The following PINX1 variants were observed in gnomAD, a reference collection of about 807,000 sequenced individuals.
PINX1 encodes the protein PIN2 (TERF1) interacting telomerase inhibitor 1.
PINX1 carries 34 observed loss-of-function variants against 25.4 expected under a neutral mutation model. The ratio of observed to expected loss-of-function variants is 1.34; its 90% CI spans 1.02 to 1.78. The LOEUF (loss-of-function observed/expected upper bound fraction) is 1.78. PINX1 is among the 40% of genes most tolerant of loss of function. The pLI, the probability that PINX1 is intolerant of heterozygous loss-of-function variation, is 0.00. For synonymous variants in PINX1, 197 were observed against 147.7 expected (o/e 1.33, Z -2.42); for missense variants, 592 against 404.9 (o/e 1.46, Z -3.97).
At chr8:10,776,617 T>C (rs575916035) in intron 6 of PINX1, among the ~76,000 whole-genome samples, 16 of 152,200 alleles carry the variant, frequency 1.1e-4, no homozygotes, top group Middle Eastern at 3.4e-3. Flanking sequence ...AACTCCCGCC[T>C]CAAGCTGCTA....
At chr8:10,805,102 T>C (rs1017554051) in intron 6 of PINX1, among the ~76,000 whole-genome samples, 12 of 152,140 alleles carry the variant, frequency 7.9e-5, no homozygotes, top group African/African-American at 2.9e-4. Flanking sequence ...GAAAGGCAAA[T>C]GCAATAGGTG....
At chr8:10,783,231 T>C (rs1045507799) in intron 6 of PINX1, among the ~76,000 whole-genome samples, 18 of 152,230 alleles carry the variant, frequency 1.2e-4, no homozygotes, top group African/African-American at 2.7e-4. Flanking sequence ...TAGAGTATAA[T>C]GGCACTGGAG....
chr8:10,800,735 G>A (rs1802240213), intron 6 of PINX1, among the ~76,000 whole-genome samples: 1 of 152,146 alleles, frequency 6.6e-6, no homozygotes, highest in African/African-American at 2.4e-5. Flanking sequence ...CTCCCAAAGT[G>A]CTGGGATTAC....
intron 6 of PINX1, among the ~76,000 whole-genome samples, chr8:10,804,246 G>A (rs563416412): frequency 6.6e-6 from 1 of 152,318 alleles, no homozygotes; most frequent in African/African-American, 2.4e-5. Context: ...GGTGTTAGCC[G>A]CCGGGGGCAG....
intron 6 of PINX1, among the ~76,000 whole-genome samples, chr8:10,809,989 G>A (rs1802576799): frequency 6.6e-6 from 1 of 152,234 alleles, no homozygotes; most frequent in African/African-American, 2.4e-5. Flanking sequence ...TCCAATCATG[G>A]TGGAAGGAGA....
At chr8:10,807,372 G>C (rs1470124154) in intron 6 of PINX1, among the ~76,000 whole-genome samples, 1 of 117,424 alleles carries the variant, frequency 8.5e-6, no homozygotes, top group South Asian at 2.7e-4. Flanking sequence ...TAAAATTGGA[G>C]ACAAAAGAAA....
chr8:10,829,153 G>A (rs370582192), intron 4 of PINX1, among the ~76,000 whole-genome samples: 1 of 151,980 alleles, frequency 6.6e-6, no homozygotes, highest in East Asian at 1.9e-4. Flanking sequence ...AGGCGTGGTG[G>A]TGTGCACCTG....
intron 6 of PINX1, among the ~76,000 whole-genome samples, chr8:10,786,249 A>G (rs11250075): frequency 0.33 from 50,042 of 152,146 alleles, 9,212 homozygotes; most frequent in Non-Finnish European, 0.42. Flanking sequence ...TGATAATTGA[A>G]CATCAGAGTT....
At chr8:10,774,474 T>C (rs1423063908) in intron 6 of PINX1, among the ~76,000 whole-genome samples, 2 of 152,176 alleles carry the variant, frequency 1.3e-5, no homozygotes, top group South Asian at 2.1e-4. Context: ...AGAGACAGGG[T>C]TTCTCCATGT....
In PINX1 at chr8:10,799,997, G is replaced by A. The variant is rs187437957; in HGVS notation, c.471+20196C>T. Among the ~76,000 whole-genome samples, 26 of 152,286 alleles carry A rather than the reference G, an allele frequency of 1.7e-4. 1 individual carries two copies. The highest frequency in any genetic ancestry group is 7.2e-4 in the Admixed American group (11 of 15,302). ...GCCAAAGGTCATATGACTCACAAGG[G>A]CAGAGCCGAGACTGCGATCCAGGTC... is the stretch of plus-strand genomic sequence containing the variant. On this transcript the variant is annotated intron_variant, in intron 6 of 6. Transcript: ENST00000314787.
At chr8:10,819,186 G>A (rs1315870583) in intron 6 of PINX1, among the ~76,000 whole-genome samples, 1 of 152,238 alleles carries the variant, frequency 6.6e-6, no homozygotes, top group Non-Finnish European at 1.5e-5. Flanking sequence ...CAGGAATTCA[G>A]TCCCAATCTG....
intron 6 of PINX1, among the ~76,000 whole-genome samples, chr8:10,776,071 T>C (rs1270788859): frequency 6.6e-6 from 1 of 152,184 alleles, no homozygotes. Flanking sequence ...CTAGCATTCA[T>C]TATAGCCTAG....
At chr8:10,773,493 C>G (rs1041243365) in intron 6 of PINX1, among the ~76,000 whole-genome samples, 1 of 152,162 alleles carries the variant, frequency 6.6e-6, no homozygotes. Flanking sequence ...CATCAGAACT[C>G]CGCTTGGAAG....
intron 4 of PINX1, among the ~76,000 whole-genome samples, chr8:10,826,891 C>T (rs998281375): frequency 5.3e-5 from 8 of 152,184 alleles, no homozygotes; most frequent in Non-Finnish European, 1.0e-4. Context: ...GTTGCTGTGC[C>T]GTGGTGGCCA....
chr8:10,768,638 C>A (rs987049675), intron 6 of PINX1, among the ~76,000 whole-genome samples: 1 of 152,118 alleles, frequency 6.6e-6, no homozygotes, highest in Non-Finnish European at 1.5e-5. Context: ...CTGCTTAATG[C>A]GGGGGTAGCC....
chr8:10,788,599 C>T (rs1453482212), intron 6 of PINX1, among the ~76,000 whole-genome samples: 2 of 152,006 alleles, frequency 1.3e-5, no homozygotes, highest in Non-Finnish European at 2.9e-5. Flanking sequence ...GAATGTATAT[C>T]TATTGGTATA....
intron 6 of PINX1, among the ~76,000 whole-genome samples, chr8:10,769,681 T>C (rs186918187): frequency 5.3e-5 from 8 of 152,254 alleles, no homozygotes; most frequent in Admixed American, 5.2e-4. Flanking sequence ...CCTCTCCACA[T>C]CACACAGGCA....
chr8:10,797,515 C>G (rs529327620), intron 6 of PINX1, among the ~76,000 whole-genome samples: 88 of 152,234 alleles, frequency 5.8e-4, no homozygotes, highest in Non-Finnish European at 5.7e-4. Context: ...AAACAACTTT[C>G]TAAAAACAAA....
In PINX1 at chr8:10,820,282, T is replaced by C. The variant is rs2409653; in HGVS notation, c.395-13A>G. ...GACAGATCCTTCCCTAGAAAAACAA[T>C]GTGATGCTTTTCAGTAAGACTGTTC... On this transcript the variant is annotated splice_polypyrimidine_tract_variant and intron_variant, in intron 5 of 6. Transcript: ENST00000314787. 0.057 allele frequency: 89,580 copies of C among 1,575,136 alleles called. 3,083 individuals carry two copies. The highest frequency in any genetic ancestry group is 0.13 in the African/African-American group (9,935 of 74,166).
Sources: allele counts gnomAD v4.1 joint callset (sites outside exome capture counted in the v4.1 genomes callset), GRCh38; gene constraint gnomAD v4.1.1; transcripts MANE v1.5; gene names NCBI Gene and HGNC (gene_info 2026-07-23, HGNC 2026-07-21).